NTM: variants seen among roughly 807,000 people sequenced by gnomAD.
NTM encodes the protein neurotrimin, also known as IgLON family member 2.
Under a neutral mutation model 42.1 loss-of-function variants are expected in NTM, and 13 were observed. The ratio of observed to expected loss-of-function variants is 0.31; its 90% confidence interval spans 0.20 to 0.49. The LOEUF is 0.49. Ranked by LOEUF, NTM falls within the 20% of genes least tolerant of loss-of-function variation. The pLI is 0.99. For missense variants in NTM, 373 were observed against 452.8 expected, an observed-to-expected ratio of 0.82 and a Z score of 1.60; for synonymous variants, 187 against 179.2, an observed-to-expected ratio of 1.04 and a Z score of -0.35.
At chr11:131,500,036 T>A (rs1378588517) in intron 1 of NTM, among the ~76,000 whole-genome samples, 5 of 152,328 alleles carry the variant, frequency 3.3e-5, no homozygotes, top group Admixed American at 6.5e-5. Flanking sequence ...GGTCCCCCCA[T>A]GCCTGCCCTG....
chr11:132,112,950 G>A (rs1186418125), intron 2 of NTM, among the ~76,000 whole-genome samples: 2 of 152,146 alleles, frequency 1.3e-5, no homozygotes, highest in Non-Finnish European at 2.9e-5. Context: ...CAGAAAAGCC[G>A]TGGAAGATAT....
intron 1 of NTM, among the ~76,000 whole-genome samples, chr11:131,378,193 C>G (rs1377475882): frequency 2.6e-5 from 4 of 152,200 alleles, no homozygotes; most frequent in Non-Finnish European, 4.4e-5. Context: ...AATCTGCAGT[C>G]AGGTTGAAAA....
intron 1 of NTM, among the ~76,000 whole-genome samples, chr11:131,765,305 T>C (rs1316571158): frequency 2.0e-5 from 3 of 152,114 alleles, no homozygotes; most frequent in Non-Finnish European, 2.9e-5. Flanking sequence ...TCTAAATACC[T>C]TTATGATTTG....
chr11:131,428,842 A>G (rs1219301140), intron 1 of NTM, among the ~76,000 whole-genome samples: 1 of 148,926 alleles, frequency 6.7e-6, no homozygotes, highest in Non-Finnish European at 1.5e-5. Context: ...CAAGACCAGC[A>G]AGGCCCACAT....
chr11:131,933,429 C>G (rs966316033), intron 2 of NTM, among the ~76,000 whole-genome samples: 2 of 152,244 alleles, frequency 1.3e-5, no homozygotes, highest in South Asian at 2.1e-4. Context: ...CATCTAGTTT[C>G]CCCGCCAAGG....
intron 2 of NTM, among the ~76,000 whole-genome samples, chr11:132,124,693 A>G (rs1306687786): frequency 6.6e-6 from 1 of 152,196 alleles, no homozygotes; most frequent in Non-Finnish European, 1.5e-5. Context: ...AAGCTCCACA[A>G]TGGCTGAGTG....
intron 2 of NTM, among the ~76,000 whole-genome samples, chr11:132,082,895 G>T: frequency 6.6e-6 from 1 of 152,176 alleles, no homozygotes; most frequent in Non-Finnish European, 1.5e-5. Context: ...AAAAGCGAGG[G>T]TAAGGACGGC....
rs527375013 is a variant in NTM, at chr11:131,795,319, C to T, written c.83-116245C>T. 61 of 847,618 alleles carry T rather than the reference C, an allele frequency of 7.2e-5. No individual in the cohort carries two copies. The East Asian group carries it at 1.6e-3, about 22-fold the overall frequency. 52.5% of individuals were successfully genotyped at this position (847,618 alleles called of 1,614,324 possible). On this transcript the variant is annotated intron_variant, in intron 1 of 8. Coordinates refer to ENST00000683400, the MANE Select transcript of NTM (RefSeq NM_001352005.2). Reference sequence around the variant, plus strand: ...TTAATGAGAGAATGCAGTGCCCAGGCGCTCCTAATATATGCTTAATAAGTG... The same window carrying T: ...TTAATGAGAGAATGCAGTGCCCAGGTGCTCCTAATATATGCTTAATAAGTG...
Position 131,942,524 on chromosome 11 carries a change from G to A in NTM, c.167+30876G>A, listed in dbSNP as rs1172088863. On this transcript the variant is annotated intron_variant, in intron 2 of 8. Coordinates refer to ENST00000683400, the MANE Select transcript of NTM (RefSeq NM_001352005.2). ...CACCCTTTCTCTGGGCCTGGAAGGG[G>A]AATGATGGTGGTTTGGTGGACACAT... Among the ~76,000 whole-genome samples, 3 of 152,186 alleles carry A rather than the reference G, an allele frequency of 2.0e-5. No homozygotes were observed. The South Asian group carries it at 6.2e-4, about 32-fold the overall frequency.
At position 131,898,689 on chromosome 11, in the gene NTM, C is replaced by G. The variant is rs538561311; in HGVS notation, c.83-12875C>G. The stretch of plus-strand genomic sequence containing the variant: ...GGTGTTCTCATCCCTACTGGGCAAT[C>G]AAAAATAATCTTTTCAACTAACTTA... On this transcript the variant is annotated intron_variant, in intron 1 of 8. Coordinates refer to ENST00000683400, the MANE Select transcript of NTM (RefSeq NM_001352005.2). 7.5e-4 allele frequency among the ~76,000 whole-genome samples: 114 copies of G among 152,302 alleles called. 2 individuals are homozygous for G. In the South Asian group the frequency reaches 0.021, roughly 28 times the overall value.
rs71067351 is a variant in NTM, at chr11:132,010,617, C to CTT, written c.167+98979_167+98980dup. On this transcript the variant is annotated intron_variant, in intron 2 of 8. Coordinates refer to ENST00000683400, the MANE Select transcript of NTM (RefSeq NM_001352005.2). ...TTTATTAAGTGACCATTTCTACTGT[C>CTT]TTTTTTTTTTTCCTCCATTCTCTTC... Among the ~76,000 whole-genome samples, 311 of 146,954 alleles carry CTT rather than the reference C, an allele frequency of 2.1e-3. 1 individual carries two copies. Among genetic ancestry groups the CTT allele is most frequent in the South Asian group, 2.8e-3 (13 of 4,668 alleles).
chr11:131,586,468 G>A (rs942237301), intron 1 of NTM, among the ~76,000 whole-genome samples: 3 of 152,148 alleles, frequency 2.0e-5, no homozygotes, highest in African/African-American at 4.8e-5. Flanking sequence ...CATGTTGTGA[G>A]GAAGCCCTGT....
intron 3 of NTM, among the ~76,000 whole-genome samples, chr11:132,147,848 G>A (rs988225384): frequency 6.6e-6 from 1 of 152,148 alleles, no homozygotes; most frequent in Non-Finnish European, 1.5e-5. Flanking sequence ...TAGGAAGGAA[G>A]GCAGCTTGAG....
intron 3 of NTM, among the ~76,000 whole-genome samples, chr11:132,203,340 AT>A (rs1407165672): frequency 6.6e-5 from 10 of 152,164 alleles, no homozygotes; most frequent in Admixed American, 2.0e-4. Flanking sequence ...ATAAAAAGTG[AT>A]TTCTTAACAT....
At chr11:131,711,699 C>T (rs1355721157) in intron 1 of NTM, among the ~76,000 whole-genome samples, 1 of 151,858 alleles carries the variant, frequency 6.6e-6, no homozygotes. Flanking sequence ...TATTGCGGCA[C>T]TATTCACAAT....
intron 1 of NTM, among the ~76,000 whole-genome samples, chr11:131,635,764 G>A (rs1205776286): frequency 2.6e-5 from 4 of 151,650 alleles, no homozygotes; most frequent in South Asian, 4.2e-4. Context: ...ATATTCCCTC[G>A]CCTCTTCTCA....
rs545135901 is a variant in NTM, at chr11:131,924,061, G to C, written c.167+12413G>C. Among the ~76,000 whole-genome samples, 3 of 152,350 alleles carry C rather than the reference G, an allele frequency of 2.0e-5. No homozygotes were observed. The South Asian group carries it at 6.2e-4, about 32-fold the overall frequency. ...TAGCTGAGGAAGGACCTGGCCTGCA[G>C]TGGGCCCGTGGTGGGCAGAGGGCAG... On this transcript the variant is annotated intron_variant, in intron 2 of 8. Transcript: ENST00000683400.
At chr11:132,260,717 C>T (rs2092795016) in intron 4 of NTM, among the ~76,000 whole-genome samples, 1 of 152,190 alleles carries the variant, frequency 6.6e-6, no homozygotes. Context: ...TGAAGAGCTA[C>T]ATCAAAAGAG....
chr11:131,866,157 GCA>G (rs75721877), intron 1 of NTM, among the ~76,000 whole-genome samples: 2 of 151,108 alleles, frequency 1.3e-5, no homozygotes, highest in South Asian at 2.1e-4. Flanking sequence ...CACACACGGT[GCA>G]CACACACAGC....
Sources: allele counts gnomAD v4.1 joint callset (sites outside exome capture counted in the v4.1 genomes callset), GRCh38; gene constraint gnomAD v4.1.1; transcripts MANE v1.5; gene names NCBI Gene and HGNC (gene_info 2026-07-23, HGNC 2026-07-21).